RYR1: variants seen among roughly 807,000 people sequenced by gnomAD.
The protein encoded by RYR1 is ryanodine receptor 1.
A neutral mutation model predicts 583.5 loss-of-function variants in RYR1; 342 were observed. The observed-to-expected ratio is 0.59, with a 90% CI of 0.54 to 0.64. The LOEUF (loss-of-function observed/expected upper bound fraction) is 0.64, where lower values mean the gene tolerates loss of function less well. Among genes scored for constraint, RYR1 ranks in the 30% least tolerant of loss-of-function variants. RYR1 has a pLI of 0.00. For missense variants in RYR1, 6,032 were observed against 6,917.2 expected, an observed-to-expected ratio of 0.87 and a Z score of 4.54; for synonymous variants, 2,791 against 2,822.5, an observed-to-expected ratio of 0.99 and a Z score of 0.35.
intron 60 of RYR1, 127 bp from the exon 61 acceptor site, chr19:38,511,434 C>A: frequency 2.1e-6 from 2 of 942,550 alleles, no homozygotes; most frequent in South Asian, 2.6e-5. Context: ...TCATTTGGAC[C>A]CCCTCCTGGT....
chr19:38,451,959 C>A, intron 12 of RYR1, 74 bp downstream of exon 12: 1 of 1,598,358 alleles, frequency 6.3e-7, no homozygotes. Flanking sequence ...CACTTGGCCT[C>A]TTTCATCTCT....
Position 38,516,346 on chromosome 19 carries a change from G to A in RYR1, c.9685+129G>A, listed in dbSNP as rs1970971441. 7.4e-5 allele frequency: 82 copies of A among 1,111,120 alleles called. No homozygotes were observed. The South Asian group carries it at 1.2e-3, about 16-fold the overall frequency. The allele number at this position is 1,111,120 out of a possible 1,614,324, so 68.8% of individuals were successfully genotyped here. On this transcript the variant is annotated intron_variant, in intron 65 of 105. Transcript: ENST00000359596. ...AGCGGCTGAGGATTCCCCAGGTTGG[G>A]AGTGCCACACATTCAGGAACCCCAG...
Position 38,483,377 on chromosome 19 carries a change from C to T in RYR1, c.4795C>T (p.Leu1599=). The T allele has an allele frequency of 1.3e-6, 2 of 1,565,950 alleles. No individual in the cohort carries two copies. Among genetic ancestry groups the T allele is most frequent in the Non-Finnish European group, 1.7e-6 (2 of 1,155,962 alleles). Residue 1599 remains leucine, a synonymous_variant, in exon 33 of 106, where the codon CTG becomes TTG. Coordinates refer to ENST00000359596, the MANE Select transcript of RYR1 (RefSeq NM_000540.3). This position sits in a 1 kb window ranked among gnomAD's most constrained non-coding sequence, Gnocchi z 6.3. ...CCCACCGCGGCTGGAGATGCAGATG[C>T]TGATGCCAGTGTCCTGGAGCCGCAT... is the stretch of plus-strand genomic sequence containing the variant. The part of the protein sequence containing the change: ...QCPPRLEMQM[L]MPVSWSRMPN...
rs1221087983 is a variant in RYR1, at chr19:38,496,859, G to A, written c.6797-1G>A. On this transcript the variant is annotated splice_acceptor_variant, in intron 41 of 105. Transcript: ENST00000359596. LOFTEE classifies it high-confidence loss of function. This position sits in a 1 kb window ranked among gnomAD's most constrained non-coding sequence, Gnocchi z 4.8. ...GTTCTCCCCACCTCTCGCCCCTGCA[G>A]GCATGCAGGGCTCCACGCCCCTGGA... 1.2e-6 allele frequency: 2 copies of A among 1,611,314 alleles called. No homozygotes were observed. The highest frequency in any genetic ancestry group is 1.3e-5 in the African/African-American group (1 of 74,890).
Position 38,565,567 on chromosome 19 carries a change from C to T in RYR1, c.13233C>T (p.Gly4411=), listed in dbSNP as rs1285802730. 1.4e-6 allele frequency: 2 copies of T among 1,476,586 alleles called. No homozygotes were observed. Among genetic ancestry groups the T allele is most frequent in the Admixed American group, 4.6e-5 (2 of 43,336 alleles). 91.5% of individuals were successfully genotyped at this position (1,476,586 alleles called of 1,614,324 possible). A position where few individuals can be genotyped will look rare whatever the true frequency, so the allele number is the denominator to read the frequency against. Reference sequence around the variant, plus strand: ...CAGACGGCGAGGGTGCCAGCGAGGGCGCTGGAGACGCCGCGGAGGGCGCTG... The same window carrying T: ...CAGACGGCGAGGGTGCCAGCGAGGGTGCTGGAGACGCCGCGGAGGGCGCTG... ...GDADGEGASE[G]AGDAAEGAGD... is the part of the protein sequence containing the mutation. Residue 4411 remains glycine, a synonymous_variant, in exon 91 of 106, where the codon GGC becomes GGT. Transcript: ENST00000359596. The surrounding 1 kb of genome is among the most constrained non-coding windows in gnomAD (Gnocchi z 4.7).
chr19:38,436,565 GTTTGTTGCTT>G (rs938791742), intron 1 of RYR1, among the ~76,000 whole-genome samples: 2 of 152,138 alleles, frequency 1.3e-5, no homozygotes, highest in African/African-American at 2.4e-5. Context: ...CATGTATTGA[GTTTGTTGCTT>G]TTTGTTGCCG....
In RYR1 at chr19:38,444,941, A is replaced by G. The variant is rs527769481; in HGVS notation, c.631+264A>G. Among the ~76,000 whole-genome samples, 45 of 151,980 alleles carry G rather than the reference A, an allele frequency of 3.0e-4. No individual in the cohort carries two copies. Among genetic ancestry groups the G allele is most frequent in the African/African-American group, 9.6e-4 (40 of 41,456 alleles). On this transcript the variant is annotated intron_variant, in intron 7 of 105. Transcript: ENST00000359596. The surrounding 1 kb of genome is among the most constrained non-coding windows in gnomAD (Gnocchi z 5.1). ...CCCAAGGCTCCTAAACTCAGATTCA[A>G]ATCTTAAAACATCAAGTTTAAAGCT...
At position 38,567,804 on chromosome 19, in the gene RYR1, G is replaced by A. The variant is rs747061234; in HGVS notation, c.13546G>A (p.Glu4516Lys). 9.9e-6 allele frequency: 16 copies of A among 1,614,010 alleles called. No homozygotes were observed. Among genetic ancestry groups the A allele is most frequent in the South Asian group, 4.4e-5 (4 of 91,058 alleles). The change falls in exon 93 of 106, where the codon GAG becomes AAG. Residue 4516 changes from glutamate (E) to lysine (K), a missense_variant. This residue lies in a region of RYR1 where 753 missense variants were observed against 759.6 expected (regional missense o/e 0.99). Transcript: ENST00000359596. ...AENGEKEEVP[E>K]PTPEPPKKQA... ...GAATGGGGAGAAGGAAGAAGTTCCC[G>A]AGCCCACACCAGAGCCCCCCAAGAA...
At position 38,492,575 on chromosome 19, in the gene RYR1, G is replaced by T. The variant is rs771696467; in HGVS notation, c.6213G>T (p.Arg2071=). ...SRLMSLLEKV[R]LVKKKEEKPE... is the part of the protein sequence containing the mutation. ...TCATGAGCCTGTTGGAGAAAGTGCG[G>T]CTGGTGAAGAAGAAGGAAGAGAAAC... Residue 2071 remains arginine, a synonymous_variant, in exon 38 of 106, where the codon CGG becomes CGT. Transcript: ENST00000359596. The T allele has an allele frequency of 6.2e-7, 1 of 1,613,934 alleles. No individual in the cohort carries two copies. The highest frequency in any genetic ancestry group is 1.3e-5 in the African/African-American group (1 of 74,916).
chr19:38,575,810 A>G, intron 96 of RYR1, 109 bp from the exon 97 acceptor site: 2 of 1,217,954 alleles, frequency 1.6e-6, no homozygotes, highest in African/African-American at 1.5e-5. Context: ...CTCAAAAAAA[A>G]AGGAAAAAGA....
chr19:38,486,145 C>T lies in RYR1; in HGVS notation c.5490C>T (p.Val1830=), dbSNP rs1243634588. 4.3e-6 allele frequency: 7 copies of T among 1,613,042 alleles called. No homozygotes were observed. In the Admixed American group the frequency reaches 8.3e-5, roughly 19 times the overall value. ...RDGGQHARDP[V]GGSVEFQFVP... is the part of the protein sequence containing the mutation. ...GTGGGCAGCACGCTCGCGACCCCGT[C>T]GGGGGCTCCGTGGAGTTCCAGTTTG... is the stretch of plus-strand genomic sequence containing the variant. The change falls in exon 34 of 106, where the codon GTC becomes GTT. Residue 1830 remains valine, a synonymous_variant. Transcript: ENST00000359596.
chr19:38,543,817 G>A lies in RYR1; in HGVS notation c.11954G>A (p.Trp3985Ter). 6.2e-7 allele frequency: 1 copy of A among 1,613,902 alleles called. No homozygotes were observed. The highest frequency in any genetic ancestry group is 1.1e-5 in the South Asian group (1 of 91,072). ...NQQSLAHSRLWDAVVGFLHVF... is the reference protein window; with the variant it reads ...NQQSLAHSRL ...CAGAGCCTGGCGCACAGTCGCCTAT[G>A]GGACGCAGTGGTGGGATTCCTGCAC... The change falls in exon 87 of 106, where the codon TGG becomes TAG. Residue 3985 changes from tryptophan (W) to a stop codon, truncating the protein, a stop_gained. Transcript: ENST00000359596. LOFTEE classifies it high-confidence loss of function. The surrounding 1 kb of genome is among the most constrained non-coding windows in gnomAD (Gnocchi z 4.4).
chr19:38,441,624 C>T (rs1600634121), intron 2 of RYR1, among the ~76,000 whole-genome samples: 1 of 149,046 alleles, frequency 6.7e-6, no homozygotes, highest in East Asian at 2.0e-4. Flanking sequence ...GGGACACCCG[C>T]AGGGGCCTGA....
chr19:38,548,741 C>A (rs1405348579), intron 89 of RYR1, among the ~76,000 whole-genome samples: 1 of 152,064 alleles, frequency 6.6e-6, no homozygotes, highest in Non-Finnish European at 1.5e-5. Flanking sequence ...TCATGCCTGG[C>A]TAATTTTTAA....
intron 84 of RYR1, chr19:38,538,646 G>A (rs1972077808): frequency 6.6e-6 from 1 of 152,296 alleles, no homozygotes; most frequent in Non-Finnish European, 1.5e-5. Context: ...AAAACTGCCT[G>A]GCATTTAAAA....
chr19:38,470,604 G>C (rs28465366), intron 27 of RYR1, among the ~76,000 whole-genome samples: 1 of 152,074 alleles, frequency 6.6e-6, no homozygotes, highest in African/African-American at 2.4e-5. Context: ...AATTAATGGC[G>C]TGGTGGCGGG....
At chr19:38,477,981 G>A in intron 30 of RYR1, 111 bp downstream of exon 30, 1 of 1,113,028 alleles carries the variant, frequency 9.0e-7, no homozygotes, top group Admixed American at 2.0e-5. Context: ...GGAACTTTCT[G>A]GAGCGGGAGG....
At chr19:38,508,458 G>A (rs549553024) in intron 58 of RYR1, among the ~76,000 whole-genome samples, 1 of 152,238 alleles carries the variant, frequency 6.6e-6, no homozygotes, top group Admixed American at 6.5e-5. Flanking sequence ...GTGATCTGCC[G>A]CCTCGGCCTC....
At chr19:38,505,252 G>T in intron 52 of RYR1, 57 bp from the exon 53 acceptor site, 1 of 1,320,920 alleles carries the variant, frequency 7.6e-7, no homozygotes, top group South Asian at 1.2e-5. Context: ...CTCCAGGGTC[G>T]CCCCGTGTGT....
Sources: gnomAD v4.1 joint callset for allele counts (sites outside exome capture counted in the v4.1 genomes callset) on GRCh38, gnomAD v4.1.1 for gene constraint, gnomAD v4.1.1 regional missense constraint, Gnocchi (gnomAD v3.1) non-coding constraint, MANE v1.5 for transcripts, NCBI Gene and HGNC (gene_info 2026-07-23, HGNC 2026-07-21) for gene names.